Variants in DYNAP observed in about 807,000 individuals in gnomAD.
DYNAP encodes the protein dynactin associated protein.
Under a neutral mutation model 8.5 loss-of-function variants are expected in DYNAP, and 7 were observed. That is an observed-to-expected ratio of 0.82 (90% confidence interval 0.47 to 1.54). The LOEUF (loss-of-function observed/expected upper bound fraction) is 1.54. Among genes scored for constraint, DYNAP ranks in the 40% most tolerant of loss-of-function variants. DYNAP has a pLI of 0.01. For missense variants in DYNAP, 256 were observed against 224.3 expected (o/e 1.14, Z -0.90); for synonymous variants, 77 against 77.9 (o/e 0.99, Z 0.06).
chr18:54,586,335 C>A (rs1448886321), upstream of DYNAP, among the ~76,000 whole-genome samples: 1 of 152,120 alleles, frequency 6.6e-6, no homozygotes, highest in African/African-American at 2.4e-5. Context: ...AACGTCCTAA[C>A]ATTTGTCTCA....
Position 54,598,421 on chromosome 18 carries a change from A to T in DYNAP, c.*276A>T, listed in dbSNP as rs1911407097. 5.2e-6 allele frequency: 2 copies of T among 383,796 alleles called. No homozygotes were observed. The highest frequency in any genetic ancestry group is 4.0e-5 in the African/African-American group (2 of 50,132). The allele number at this position is 383,796 out of a possible 1,614,324, so 23.8% of individuals were successfully genotyped here. A position where few individuals can be genotyped will look rare whatever the true frequency, so the allele number is the denominator to read the frequency against. On this transcript the variant is annotated 3_prime_UTR_variant, in exon 3 of 3. Coordinates refer to ENST00000648945, the MANE Select transcript of DYNAP (RefSeq NM_173629.3). The stretch of plus-strand genomic sequence containing the variant: ...ATCTGCAACCACTTCCACTTAACCT[A>T]TAACTACTGTAACTTCTACTTAGCC...
intron 2 of DYNAP, among the ~76,000 whole-genome samples, chr18:54,597,223 TA>T (rs969915326): frequency 2.6e-5 from 4 of 151,602 alleles, no homozygotes; most frequent in African/African-American, 9.7e-5. Flanking sequence ...GTTCTCACAT[TA>T]AAAAAAAGGT....
In DYNAP at chr18:54,595,084, CAGA is replaced by C. The variant is rs781767822; in HGVS notation, c.205_207del (p.Glu69del). On this transcript the variant is annotated inframe_deletion, in exon 2 of 3. Transcript: ENST00000648945. ...CTTGCACATTCAAGATGTCTACAGT[CAGA>C]ATCCTGTAACACACAGGTAATGTGT... is the stretch of plus-strand genomic sequence containing the variant. 2 of 1,611,760 alleles carry C rather than the reference CAGA, an allele frequency of 1.2e-6. No individual in the cohort carries two copies. Among genetic ancestry groups the C allele is most frequent in the African/African-American group, 2.7e-5 (2 of 74,926 alleles).
chr18:54,586,773 G>A (rs1910895579), upstream of DYNAP, among the ~76,000 whole-genome samples: 1 of 152,126 alleles, frequency 6.6e-6, no homozygotes, highest in African/African-American at 2.4e-5. Flanking sequence ...GAAAAGTGGG[G>A]ATACTACTAC....
chr18:54,582,366 A>G, the DYNAP span, among the ~76,000 whole-genome samples: 1 of 152,182 alleles, frequency 6.6e-6, no homozygotes, highest in African/African-American at 2.4e-5. Context: ...TTTTCTATTT[A>G]AAAAGAAATA....
At chr18:54,581,169 T>C in the DYNAP span, among the ~76,000 whole-genome samples, 5 of 152,352 alleles carry the variant, frequency 3.3e-5, no homozygotes, top group African/African-American at 9.6e-5. Context: ...TAAAATTATC[T>C]TGTTTATATA....
At chr18:54,591,020 G>A, upstream of DYNAP, 1 of 470,322 alleles carries the variant, frequency 2.1e-6, no homozygotes, top group Non-Finnish European at 3.6e-6. Context: ...ATAATGTAAG[G>A]TTTTCAGAGG....
intron 1 of DYNAP, among the ~76,000 whole-genome samples, chr18:54,594,385 T>C (rs1446396619): frequency 6.6e-6 from 1 of 152,182 alleles, no homozygotes; most frequent in African/African-American, 2.4e-5. Context: ...ACTAGTATCA[T>C]GTAGTATAGT....
chr18:54,594,796 T>C lies in DYNAP; in HGVS notation c.58-143T>C, dbSNP rs938650124. 4 of 883,406 alleles carry C rather than the reference T, an allele frequency of 4.5e-6. No homozygotes were observed. In the African/African-American group the frequency reaches 6.8e-5, roughly 15 times the overall value. 54.7% of individuals were successfully genotyped at this position (883,406 alleles called of 1,614,324 possible). ...TATAATATATAATAATCTGTCTAGA[T>C]TTTTTTATCTTCAGGGGATAAGAAA... On this transcript the variant is annotated intron_variant, in intron 1 of 2. Coordinates refer to ENST00000648945, the MANE Select transcript of DYNAP (RefSeq NM_173629.3).
chr18:54,576,942 T>G, the DYNAP span, among the ~76,000 whole-genome samples: 1 of 152,244 alleles, frequency 6.6e-6, no homozygotes, highest in Admixed American at 6.5e-5. Context: ...ATCAATTTAT[T>G]TGAAAACTTT....
the DYNAP span, among the ~76,000 whole-genome samples, chr18:54,578,626 TA>T: frequency 6.6e-6 from 1 of 152,172 alleles, no homozygotes; most frequent in Middle Eastern, 3.2e-3. Flanking sequence ...AGCCCATGGG[TA>T]ACTGTTGTTC....
chr18:54,587,289 C>T (rs1053731043), upstream of DYNAP, among the ~76,000 whole-genome samples: 2 of 152,048 alleles, frequency 1.3e-5, no homozygotes. Context: ...TGATAGCGCA[C>T]AACTGGAGTT....
At chr18:54,594,742 C>A (rs1282709071) in intron 1 of DYNAP, among the ~76,000 whole-genome samples, 197 bp from the exon 2 acceptor site, 1 of 152,100 alleles carries the variant, frequency 6.6e-6, no homozygotes, top group African/African-American at 2.4e-5. Context: ...TGAACTAGAA[C>A]TTTAGTAGCC....
At chr18:54,582,636 C>G in the DYNAP span, among the ~76,000 whole-genome samples, 1 of 152,158 alleles carries the variant, frequency 6.6e-6, no homozygotes, top group Non-Finnish European at 1.5e-5. Flanking sequence ...GTATACTAAC[C>G]CGTCTACTTG....
chr18:54,591,829 G>T (rs7235843), intron 1 of DYNAP, among the ~76,000 whole-genome samples: 4 of 151,948 alleles, frequency 2.6e-5, no homozygotes, highest in Non-Finnish European at 4.4e-5. Context: ...TGACTATTTT[G>T]TCTGCTTTTT....
rs376173684 is a variant in DYNAP at position 54,597,805 on chromosome 18, A to G, written c.223-8A>G. 2.5e-5 allele frequency: 39 copies of G among 1,587,864 alleles called. No homozygotes were observed. In the African/African-American group the frequency reaches 5.1e-4, roughly 21 times the overall value. ...TTTCATTGCTGATATTTTTATATACATGCTTAGGTAAAAGAATATTGCCGC... is the reference window on the plus strand; with the variant it reads ...TTTCATTGCTGATATTTTTATATACGTGCTTAGGTAAAAGAATATTGCCGC... On this transcript the variant is annotated splice_polypyrimidine_tract_variant and splice_region_variant and intron_variant, in intron 2 of 2. Coordinates refer to ENST00000648945, the MANE Select transcript of DYNAP (RefSeq NM_173629.3).
the DYNAP span, among the ~76,000 whole-genome samples, chr18:54,579,795 T>C: frequency 2.0e-5 from 3 of 152,346 alleles, no homozygotes; most frequent in East Asian, 5.8e-4. Flanking sequence ...TTTTCATTAT[T>C]TGAAAGCACT....
At chr18:54,579,481 T>A in the DYNAP span, among the ~76,000 whole-genome samples, 2 of 152,222 alleles carry the variant, frequency 1.3e-5, no homozygotes, top group African/African-American at 2.4e-5. Context: ...ATAGACAGCA[T>A]CACGTTTTCC....
At position 54,594,869 on chromosome 18, in the gene DYNAP, G is replaced by T. The variant is rs1911219745; in HGVS notation, c.58-70G>T. On this transcript the variant is annotated intron_variant, in intron 1 of 2. Transcript: ENST00000648945. The stretch of plus-strand genomic sequence containing the variant: ...ATACTCTTAGGTACTTTTGATAGAA[G>T]AATTTTATTTTAGCAACTCAACACC... The T allele has an allele frequency of 1.9e-5, 29 of 1,495,962 alleles. No individual in the cohort carries two copies. In the East Asian group the frequency reaches 3.5e-4, roughly 18 times the overall value. 92.7% of individuals were successfully genotyped at this position (1,495,962 alleles called of 1,614,324 possible). A position where few individuals can be genotyped will look rare whatever the true frequency, so the allele number is the denominator to read the frequency against.
Sources: allele counts gnomAD v4.1 joint callset (sites outside exome capture counted in the v4.1 genomes callset), GRCh38; gene constraint gnomAD v4.1.1; transcripts MANE v1.5; gene names NCBI Gene and HGNC (gene_info 2026-07-23, HGNC 2026-07-21).